LILRB4: variants seen among roughly 807,000 people sequenced by gnomAD.
LILRB4 encodes leukocyte immunoglobulin-like receptor subfamily B member 4.
Under a neutral mutation model 55.2 loss-of-function variants are expected in LILRB4, and 49 were observed. The observed-to-expected ratio is 0.89, with a 90% confidence interval of 0.71 to 1.13. The LOEUF (loss-of-function observed/expected upper bound fraction) is 1.13. Ranked by LOEUF, LILRB4 falls within the 50% of genes most tolerant of loss-of-function variation. LILRB4 has a pLI of 0.00. For synonymous variants in LILRB4, 229 were observed against 213.8 expected, an observed-to-expected ratio of 1.07 and a Z score of -0.62; for missense variants, 590 against 555.2, an observed-to-expected ratio of 1.06 and a Z score of -0.63.
At chr19:54,663,438 C>G in intron 1 of LILRB4, 94 bp from the exon 2 acceptor site, 1 of 559,436 alleles carries the variant, frequency 1.8e-6, no homozygotes, top group Non-Finnish European at 2.6e-6. Flanking sequence ...AGCGAGACTC[C>G]GTCTCAAAAA....
Position 54,665,799 on chromosome 19 carries a change from T to G in LILRB4, c.758-16T>G. ...TCAATGACATCATCCCCATTCCTGATGTCATCACGCCCAAGGTCTGAGAAG... is the reference window on the plus strand; with the variant it reads ...TCAATGACATCATCCCCATTCCTGAGGTCATCACGCCCAAGGTCTGAGAAG... On this transcript the variant is annotated splice_polypyrimidine_tract_variant and intron_variant, in intron 6 of 11. Transcript: ENST00000430952. This position sits in a 1 kb window ranked among gnomAD's most constrained non-coding sequence, Gnocchi z 5.5. 3.1e-6 allele frequency: 5 copies of G among 1,588,064 alleles called. No homozygotes were observed. The highest frequency in any genetic ancestry group is 1.3e-5 in the African/African-American group (1 of 74,248).
Position 54,666,916 on chromosome 19 carries a change from C to G in LILRB4, c.1041+167C>G. The G allele has an allele frequency of 1.3e-6, 1 of 796,576 alleles. No individual in the cohort carries two copies. 49.3% of individuals were successfully genotyped at this position (796,576 alleles called of 1,614,324 possible). ...CTGGGACCTCACTCTCTCCTGCTGT[C>G]CTGGGACCTCATGGGCCTCCTCCCG... On this transcript the variant is annotated intron_variant, in intron 10 of 11. Coordinates refer to ENST00000430952, the Ensembl canonical transcript of LILRB4. The surrounding 1 kb of genome is among the most constrained non-coding windows in gnomAD (Gnocchi z 4.8).
At position 54,665,955 on chromosome 19, in the gene LILRB4, G is replaced by A. The variant is rs199645788; in HGVS notation, c.874+24G>A. The A allele has an allele frequency of 7.5e-5, 121 of 1,613,584 alleles. No homozygotes were observed. Among genetic ancestry groups the A allele is most frequent in the East Asian group, 8.9e-5 (4 of 44,878 alleles). On this transcript the variant is annotated intron_variant, in intron 7 of 11. Transcript: ENST00000430952. The surrounding 1 kb of genome is among the most constrained non-coding windows in gnomAD (Gnocchi z 5.5). ...GGGTAAGTAGGAAATTGGGGGACCC[G>A]TGGGCTGATGGAGGGTGGGCTCAGG... is the stretch of plus-strand genomic sequence containing the variant.
intron 2 of LILRB4, 32 bp from the exon 3 acceptor site, chr19:54,663,722 G>T (rs895099261): frequency 1.2e-6 from 2 of 1,612,122 alleles, no homozygotes; most frequent in Non-Finnish European, 1.7e-6. Flanking sequence ...GCTGAGGAAG[G>T]TCTTGGGATC....
At chr19:54,663,687 T>G (rs2065121057) in intron 2 of LILRB4, 67 bp from the exon 3 acceptor site, 2 of 1,608,324 alleles carry the variant, frequency 1.2e-6, no homozygotes, top group South Asian at 2.2e-5. Context: ...GGGGGGGTCC[T>G]GGGGCTGAGA....
At position 54,667,035 on chromosome 19, in the gene LILRB4, A is replaced by G. The variant is rs554479962; in HGVS notation, c.1041+286A>G. ...GGATGACGAATAAATGAACCACTCCAGTCCCCTGGGCTCCCCTTCATTCAT... is the reference window on the plus strand; with the variant it reads ...GGATGACGAATAAATGAACCACTCCGGTCCCCTGGGCTCCCCTTCATTCAT... On this transcript the variant is annotated intron_variant, in intron 10 of 11. Transcript: ENST00000430952. 6.2e-4 allele frequency: 415 copies of G among 666,096 alleles called. 1 individual carries two copies. The highest frequency in any genetic ancestry group is 2.3e-3 in the African/African-American group (131 of 56,400). 41.3% of individuals were successfully genotyped at this position (666,096 alleles called of 1,614,324 possible).
At chr19:54,663,551 G>C in exon 2 of LILRB4, 1 of 1,613,204 alleles carries the variant, frequency 6.2e-7, no homozygotes, top group East Asian at 2.2e-5. Flanking sequence ...TGGGCCCCAG[G>C]ACCCACATGC....
intron 4 of LILRB4, 23 bp downstream of exon 4, chr19:54,664,508 C>T: frequency 6.3e-7 from 1 of 1,575,942 alleles, no homozygotes. Flanking sequence ...ACCCTGTCCT[C>T]TCTGAGCTCA....
chr19:54,663,385 G>T (rs2065096037), intron 1 of LILRB4, 147 bp from the exon 2 acceptor site: 30 of 1,247,060 alleles, frequency 2.4e-5, no homozygotes, highest in South Asian at 3.2e-5. Context: ...GGCGGAGCTT[G>T]CAGTGAGCCA....
rs1478710517 is a variant in LILRB4 at position 54,665,127 on chromosome 19, C to T, written c.707-3C>T. 3.7e-6 allele frequency: 6 copies of T among 1,609,206 alleles called. No individual in the cohort carries two copies. In the South Asian group the frequency reaches 6.6e-5, roughly 18 times the overall value. ...CAGCCCTCACATCCCTGTTCTAACC[C>T]AGCAGGCCCTGAGGACCAGCCCCTC... On this transcript the variant is annotated splice_polypyrimidine_tract_variant and splice_region_variant and intron_variant, in intron 5 of 11. Coordinates refer to ENST00000430952, the Ensembl canonical transcript of LILRB4. This position sits in a 1 kb window ranked among gnomAD's most constrained non-coding sequence, Gnocchi z 5.5.
chr19:54,664,545 G>A, intron 4 of LILRB4, 60 bp downstream of exon 4: 5 of 1,510,846 alleles, frequency 3.3e-6, no homozygotes, highest in Non-Finnish European at 4.5e-6. Flanking sequence ...CCTGCTGCCA[G>A]GAGAGCTCTG....
intron 10 of LILRB4, chr19:54,667,214 G>A (rs900277507): frequency 9.4e-5 from 53 of 561,120 alleles, no homozygotes; most frequent in Non-Finnish European, 1.5e-4. Context: ...GGAGTGCAAC[G>A]TGCTGTAAGG....
At chr19:54,667,503 C>T in intron 10 of LILRB4, 132 bp from the exon 11 acceptor site, 2 of 1,493,538 alleles carry the variant, frequency 1.3e-6, no homozygotes, top group East Asian at 2.4e-5. Context: ...CCAGACCCTC[C>T]ACGGCCTTAG....
chr19:54,665,029 A>AG lies in LILRB4; in HGVS notation c.707-97dup. The AG allele has an allele frequency of 6.8e-7, 1 of 1,479,450 alleles. No homozygotes were observed. 91.6% of individuals were successfully genotyped at this position (1,479,450 alleles called of 1,614,324 possible). A position where few individuals can be genotyped will look rare whatever the true frequency, so the allele number is the denominator to read the frequency against. On this transcript the variant is annotated intron_variant, in intron 5 of 11. Coordinates refer to ENST00000430952, the Ensembl canonical transcript of LILRB4. The surrounding 1 kb of genome is among the most constrained non-coding windows in gnomAD (Gnocchi z 5.5). ...CCAAGGCCCTGAGGCTGGGCTGGTG[A>AG]GGGGTGAGGGGGTCAAGGCTGAAGG...
chr19:54,666,003 A>G lies in LILRB4; in HGVS notation c.874+72A>G, dbSNP rs1457180222. On this transcript the variant is annotated intron_variant, in intron 7 of 11. Coordinates refer to ENST00000430952, the Ensembl canonical transcript of LILRB4. The surrounding 1 kb of genome is among the most constrained non-coding windows in gnomAD (Gnocchi z 4.8). ...AGGGCACCAGCCAAAGGGACTCCAG[A>G]TAGGAGAGGTCATCTTAGAAACTCT... 3.2e-6 allele frequency: 5 copies of G among 1,575,438 alleles called. No individual in the cohort carries two copies. The highest frequency in any genetic ancestry group is 4.5e-5 in the East Asian group (2 of 44,554).
intron 4 of LILRB4, 39 bp downstream of exon 4, chr19:54,664,524 T>TCCG (rs1474745119): frequency 6.4e-7 from 1 of 1,556,460 alleles, no homozygotes; most frequent in African/African-American, 1.4e-5. Context: ...GCTCAGTGGC[T>TCCG]CCGTTCATGC....
In LILRB4 at chr19:54,665,795, C is replaced by T. The variant is rs188567503; in HGVS notation, c.758-20C>T. 2 of 1,583,798 alleles carry T rather than the reference C, an allele frequency of 1.3e-6. No individual in the cohort carries two copies. The highest frequency in any genetic ancestry group is 1.7e-6 in the Non-Finnish European group (2 of 1,165,112). On this transcript the variant is annotated intron_variant, in intron 6 of 11. Transcript: ENST00000430952. The surrounding 1 kb of genome is among the most constrained non-coding windows in gnomAD (Gnocchi z 5.5). ...CACATCAATGACATCATCCCCATTC[C>T]TGATGTCATCACGCCCAAGGTCTGA...
intron 1 of LILRB4, 35 bp downstream of exon 1, chr19:54,663,102 C>G: frequency 6.3e-7 from 1 of 1,594,730 alleles, no homozygotes; most frequent in Non-Finnish European, 8.6e-7. Context: ...AGACCCGAGT[C>G]TTGGAGGAAA....
At position 54,665,912 on chromosome 19, in the gene LILRB4, G is replaced by C. The variant is rs2065242181; in HGVS notation, c.855G>C (p.Gln285His). The change falls in exon 7 of 12, where the codon CAG (glutamine) becomes CAC (histidine). Residue 285 changes from glutamine to histidine, a missense_variant. Physicochemically the swap from Gln to His is conservative, Grantham distance 24 (BLOSUM62 0). Transcript: ENST00000430952. This position sits in a 1 kb window ranked among gnomAD's most constrained non-coding sequence, Gnocchi z 5.5. ...TCCTCCTCCTCCAACACTGGCGTCA[G>C]GGAAAACACAGGACATTGGGTAAGT... 1.9e-6 allele frequency: 3 copies of C among 1,613,794 alleles called. No individual in the cohort carries two copies. The highest frequency in any genetic ancestry group is 2.5e-6 in the Non-Finnish European group (3 of 1,179,986).
Sources: allele counts gnomAD v4.1 joint callset, GRCh38; gene constraint gnomAD v4.1.1; non-coding constraint Gnocchi (gnomAD v3.1); transcripts MANE v1.5; gene names NCBI Gene and HGNC (gene_info 2026-07-23, HGNC 2026-07-21).